The following SESTD1 variants were observed in gnomAD, a reference collection of about 807,000 sequenced individuals.
SESTD1 encodes the protein SEC14 and spectrin domain containing 1.
A neutral mutation model predicts 101.7 loss-of-function variants in SESTD1; 43 were observed. The observed-to-expected ratio is 0.42, with a 90% confidence interval of 0.33 to 0.55. SESTD1 has a LOEUF of 0.55. Ranked by LOEUF, SESTD1 falls within the 20% of genes least tolerant of loss-of-function variation. The pLI is 0.07. For synonymous variants in SESTD1, 283 were observed against 286.8 expected, an observed-to-expected ratio of 0.99 and a Z score of 0.13; for missense variants, 647 against 815.1, an observed-to-expected ratio of 0.79 and a Z score of 2.51.
At chr2:179,222,984 C>T (rs2046835381) in intron 1 of SESTD1, among the ~76,000 whole-genome samples, 1 of 152,078 alleles carries the variant, frequency 6.6e-6, no homozygotes, top group Non-Finnish European at 1.5e-5. Flanking sequence ...AAGACTTGTA[C>T]ACGAATGTTC....
intron 9 of SESTD1, among the ~76,000 whole-genome samples, chr2:179,138,152 G>A (rs956254150): frequency 2.0e-5 from 3 of 152,040 alleles, no homozygotes; most frequent in Non-Finnish European, 4.4e-5. Context: ...CAGTAATCTC[G>A]TTACCATCAT....
At chr2:179,178,367 A>G (rs142732002) in intron 3 of SESTD1, among the ~76,000 whole-genome samples, 12 of 152,252 alleles carry the variant, frequency 7.9e-5, no homozygotes, top group African/African-American at 2.9e-4. Flanking sequence ...GTGGTGCCTC[A>G]TGTCTCTAAT....
chr2:179,123,664 T>TTAGAC, intron 12 of SESTD1, 51 bp downstream of exon 12: 1 of 1,091,666 alleles, frequency 9.2e-7, no homozygotes, highest in Non-Finnish European at 1.3e-6. Flanking sequence ...ATGGTAATGA[T>TTAGAC]ATTTAAAAAA....
intron 1 of SESTD1, among the ~76,000 whole-genome samples, chr2:179,244,130 C>G (rs1048690990): frequency 6.6e-6 from 1 of 151,382 alleles, no homozygotes; most frequent in African/African-American, 2.4e-5. Context: ...CTCTAAATCT[C>G]TAAAAAACTG....
In SESTD1 at chr2:179,211,509, A is replaced by G. The variant is rs2046650424; in HGVS notation, c.-25-19643T>C. Among the ~76,000 whole-genome samples, 2 of 133,704 alleles carry G rather than the reference A, an allele frequency of 1.5e-5. 1 individual carries two copies. The highest frequency in any genetic ancestry group is 5.7e-4 in the South Asian group (2 of 3,490). 87.7% of individuals were successfully genotyped at this position (133,704 alleles called of 152,430 possible). On this transcript the variant is annotated intron_variant, in intron 1 of 17. Coordinates refer to ENST00000428443, the MANE Select transcript of SESTD1 (RefSeq NM_178123.5). ...AATAGAGAACCCAGAAATACGGCAA[A>G]TATTTACAGCCAACTGAACTTTGAC...
chr2:179,193,203 C>T (rs541332420), intron 1 of SESTD1, among the ~76,000 whole-genome samples: 7 of 152,042 alleles, frequency 4.6e-5, no homozygotes, highest in Non-Finnish European at 1.0e-4. Context: ...GCTAATTAAA[C>T]AAGACTAATT....
At chr2:179,124,261 T>C in intron 11 of SESTD1, 103 bp downstream of exon 11, 1 of 1,098,856 alleles carries the variant, frequency 9.1e-7, no homozygotes, top group East Asian at 2.5e-5. Flanking sequence ...ATTTTATTGG[T>C]TCAGAAAAAT....
intron 5 of SESTD1, among the ~76,000 whole-genome samples, chr2:179,168,004 T>A (rs986366961): frequency 4.6e-5 from 7 of 152,164 alleles, no homozygotes; most frequent in Admixed American, 2.6e-4. Context: ...CCTCAGGTGA[T>A]CCACTGCCTT....
intron 1 of SESTD1, among the ~76,000 whole-genome samples, chr2:179,221,024 T>G (rs1428655682): frequency 6.6e-6 from 1 of 152,168 alleles, no homozygotes; most frequent in Non-Finnish European, 1.5e-5. Context: ...ATATGTTCAC[T>G]ACCACAAATA....
At chr2:179,128,349 G>C (rs912758145) in intron 10 of SESTD1, among the ~76,000 whole-genome samples, 26 of 152,120 alleles carry the variant, frequency 1.7e-4, no homozygotes, top group African/African-American at 6.3e-4. Context: ...TAAAGAAATA[G>C]TCTCTCTGGG....
At chr2:179,146,132 T>C (rs752448092) in intron 8 of SESTD1, among the ~76,000 whole-genome samples, 16 of 151,898 alleles carry the variant, frequency 1.1e-4, no homozygotes, top group Non-Finnish European at 1.3e-4. Flanking sequence ...AACTCTATTG[T>C]GAACTATGCA....
At chr2:179,191,039 G>A (rs567312028) in intron 2 of SESTD1, among the ~76,000 whole-genome samples, 1 of 152,062 alleles carries the variant, frequency 6.6e-6, no homozygotes, top group African/African-American at 2.4e-5. Flanking sequence ...CCAGTAATGG[G>A]ATTGCTACCA....
In SESTD1 at chr2:179,204,640, A is replaced by G. The variant is rs541957508; in HGVS notation, c.-25-12774T>C. On this transcript the variant is annotated intron_variant, in intron 1 of 17. Transcript: ENST00000428443. ...CAAAAAAACCTCTCTACTTATATTA[A>G]TTTTGCCTCAGCTTCTTCCTTTTAG... Among the ~76,000 whole-genome samples the G allele has an allele frequency of 3.1e-3, 413 of 134,890 alleles. 83 individuals are homozygous for G. Among genetic ancestry groups the G allele is most frequent in the South Asian group, 0.01 (36 of 3,592 alleles). The allele number at this position is 134,890 out of a possible 152,430, so 88.5% of individuals were successfully genotyped here.
At chr2:179,133,184 G>C (rs554924690) in intron 9 of SESTD1, among the ~76,000 whole-genome samples, 4 of 152,114 alleles carry the variant, frequency 2.6e-5, no homozygotes, top group African/African-American at 7.2e-5. Flanking sequence ...GCAGGTATAA[G>C]GAGATGAGAT....
intron 1 of SESTD1, among the ~76,000 whole-genome samples, chr2:179,256,100 T>C (rs2047389376): frequency 1.3e-5 from 2 of 152,164 alleles, no homozygotes; most frequent in African/African-American, 4.8e-5. Context: ...CTGATGGAGA[T>C]GTACAAGGAG....
At position 179,151,405 on chromosome 2, in the gene SESTD1, A is replaced by G. The variant is rs370816990; in HGVS notation, c.370-14T>C. 56 of 1,563,132 alleles carry G rather than the reference A, an allele frequency of 3.6e-5. No homozygotes were observed. Among genetic ancestry groups the G allele is most frequent in the Admixed American group, 3.4e-4 (17 of 50,588 alleles). ...CACTAAAATAACCTATAAAAAGGTT[A>G]AAAGAAAAGAAACATTTAGTAACCC... On this transcript the variant is annotated splice_polypyrimidine_tract_variant and intron_variant, in intron 5 of 17. Coordinates refer to ENST00000428443, the MANE Select transcript of SESTD1 (RefSeq NM_178123.5).
chr2:179,238,702 C>T (rs1309867299), intron 1 of SESTD1, among the ~76,000 whole-genome samples: 1 of 151,962 alleles, frequency 6.6e-6, no homozygotes, highest in African/African-American at 2.4e-5. Flanking sequence ...ATATAATAAA[C>T]CAAATTGAGT....
At chr2:179,192,987 T>C (rs2046339785) in intron 1 of SESTD1, among the ~76,000 whole-genome samples, 2 of 152,198 alleles carry the variant, frequency 1.3e-5, no homozygotes, top group Admixed American at 6.5e-5. Context: ...GCAGAAAATA[T>C]GACTCTTTGT....
At chr2:179,199,026 T>C (rs2046453896) in intron 1 of SESTD1, among the ~76,000 whole-genome samples, 2 of 152,174 alleles carry the variant, frequency 1.3e-5, no homozygotes, top group African/African-American at 4.8e-5. Flanking sequence ...ACCTGGTTTT[T>C]TGACAGGATC....
Sources: allele counts gnomAD v4.1 joint callset (sites outside exome capture counted in the v4.1 genomes callset), GRCh38; gene constraint gnomAD v4.1.1; transcripts MANE v1.5; gene names NCBI Gene and HGNC (gene_info 2026-07-23, HGNC 2026-07-21).